Variants in ANK2 observed in about 807,000 individuals in gnomAD.
The protein encoded by ANK2 is ankyrin 2, also known as ankyrin-2.
In ANK2, 83 loss-of-function variants were observed where a neutral mutation model predicts 360.5. That is an observed-to-expected ratio of 0.23 (90% CI 0.19 to 0.28). The LOEUF (loss-of-function observed/expected upper bound fraction) is 0.28. Ranked by LOEUF, ANK2 falls within the 10% of genes least tolerant of loss-of-function variation. The pLI is 1.00. For missense variants in ANK2, 4,201 were observed against 4,795.7 expected (o/e 0.88, Z 3.66); for synonymous variants, 1,740 against 1,759.5 (o/e 0.99, Z 0.28).
intron 24 of ANK2, 99 bp downstream of exon 24, chr4:113,311,498 T>C: frequency 7.0e-7 from 1 of 1,423,290 alleles, no homozygotes. Flanking sequence ...GAGCATTTAA[T>C]AGGTACCTTA....
At chr4:112,914,250 T>C (rs2088863333) in intron 2 of ANK2, among the ~76,000 whole-genome samples, 1 of 152,158 alleles carries the variant, frequency 6.6e-6, no homozygotes, top group Admixed American at 6.5e-5. Flanking sequence ...AAAAACCCAT[T>C]TGTGTTACTG....
rs1220274956 is a variant in ANK2, at chr4:112,899,117, T to A, written c.-39-5338T>A. On this transcript the variant is annotated intron_variant, in intron 1 of 30. Transcript: ENST00000503271. ...TGAAGCCTTTCCTGTGGGTGTAGTC[T>A]CATTGTTTTTATTTAACAATGAGTG... Among the ~76,000 whole-genome samples, 4 of 152,300 alleles carry A rather than the reference T, an allele frequency of 2.6e-5. No individual in the cohort carries two copies. In the South Asian group the frequency reaches 8.3e-4, roughly 32 times the overall value.
rs1334315013 is a variant in ANK2, at chr4:112,822,255, A to AC, written c.-40+3991_-40+3992insC. ...GTCTCTACTAAAAAAAAAAAAAAAA[A>AC]AAAAAAACAAAAATTAGCCGGGCGT... On this transcript the variant is annotated intron_variant, in intron 1 of 30. Transcript: ENST00000503271. Among the ~76,000 whole-genome samples, 32 of 149,430 alleles carry AC rather than the reference A, an allele frequency of 2.1e-4. 2 individuals are homozygous for AC. The East Asian group carries it at 5.5e-3, about 26-fold the overall frequency.
chr4:113,030,929 T>C (rs141044562), intron 2 of ANK2, among the ~76,000 whole-genome samples: 1 of 151,890 alleles, frequency 6.6e-6, no homozygotes, highest in South Asian at 2.1e-4. Context: ...TATATTGAGA[T>C]GGAAGAAAAA....
At chr4:112,900,639 A>G (rs1425290655) in intron 1 of ANK2, among the ~76,000 whole-genome samples, 1 of 152,178 alleles carries the variant, frequency 6.6e-6, no homozygotes, top group Non-Finnish European at 1.5e-5. Flanking sequence ...TGCTTAAGCC[A>G]ATATTAACCC....
At chr4:113,250,297 A>G (rs1255610911) in intron 10 of ANK2, among the ~76,000 whole-genome samples, 1 of 152,220 alleles carries the variant, frequency 6.6e-6, no homozygotes, top group Non-Finnish European at 1.5e-5. Flanking sequence ...CAATACTAAT[A>G]AAAAGTAATT....
the ANK2 span, among the ~76,000 whole-genome samples, chr4:112,806,750 G>A: frequency 6.6e-6 from 1 of 152,038 alleles, no homozygotes; most frequent in African/African-American, 2.4e-5. Flanking sequence ...GGATTACTTG[G>A]GCCCAGGGAG....
intron 41 of ANK2, among the ~76,000 whole-genome samples, chr4:113,366,412 T>C (rs2154057165): frequency 6.7e-6 from 1 of 150,370 alleles, no homozygotes; most frequent in Non-Finnish European, 1.5e-5. Flanking sequence ...TTTTTTTTTT[T>C]TTAACTTTAC....
chr4:113,219,840 C>A (rs1263537656), intron 4 of ANK2, among the ~76,000 whole-genome samples: 2 of 152,112 alleles, frequency 1.3e-5, no homozygotes, highest in Non-Finnish European at 2.9e-5. Context: ...GTGGTACAAA[C>A]TATATTTTGG....
At chr4:112,771,067 GTAACAAAAGAAAGAT>G in the ANK2 span, among the ~76,000 whole-genome samples, 1 of 152,172 alleles carries the variant, frequency 6.6e-6, no homozygotes, top group Non-Finnish European at 1.5e-5. Context: ...TGGGGCCCCT[GTAACAAAAGAAAGAT>G]TAACAAAAGA....
chr4:112,769,732 C>G, the ANK2 span, among the ~76,000 whole-genome samples: 1 of 152,182 alleles, frequency 6.6e-6, no homozygotes, highest in Admixed American at 6.5e-5. Context: ...GGATTAAGTA[C>G]AGTAGATGGC....
In ANK2 at chr4:113,357,470, C is replaced by T; in HGVS notation, c.8852C>T (p.Thr2951Ile). Residue 2951 changes from threonine (T) to isoleucine (I), a missense_variant, in exon 38 of 46, where the codon ACC becomes ATC. Thr to Ile is a moderately conservative substitution (Grantham distance 89). This residue lies in a region of ANK2 where 2,642 missense variants were observed against 2,714.5 expected (regional missense o/e 0.97). Coordinates refer to ENST00000357077, the MANE Select transcript of ANK2 (RefSeq NM_001148.6). ...AAAACCCAAACAGATGCAAATCACACCACAAGTTTTCACTCTTCTGAAGTG... is the reference window on the plus strand; with the variant it reads ...AAAACCCAAACAGATGCAAATCACATCACAAGTTTTCACTCTTCTGAAGTG... ...ESKTQTDANHTTSFHSSEVYS... is the reference protein window; with the variant it reads ...ESKTQTDANHITSFHSSEVYS... 1 of 1,614,102 alleles carries T rather than the reference C, an allele frequency of 6.2e-7. No homozygotes were observed. The highest frequency in any genetic ancestry group is 1.1e-5 in the South Asian group (1 of 91,090).
intron 45 of ANK2, among the ~76,000 whole-genome samples, chr4:113,378,371 C>G (rs1424399944): frequency 6.6e-6 from 1 of 152,176 alleles, no homozygotes; most frequent in Non-Finnish European, 1.5e-5. Context: ...CCTCTTGATA[C>G]TTCAAACATA....
At chr4:113,370,088 T>A (rs915710554) in intron 43 of ANK2, among the ~76,000 whole-genome samples, 1 of 152,138 alleles carries the variant, frequency 6.6e-6, no homozygotes, top group Admixed American at 6.5e-5. Context: ...AAACAATATA[T>A]CTGGAGGAGC....
the ANK2 span, among the ~76,000 whole-genome samples, chr4:112,711,450 G>A: frequency 6.6e-6 from 1 of 152,112 alleles, no homozygotes; most frequent in African/African-American, 2.4e-5. Context: ...TTGAGCCGGG[G>A]AGTTCAAGAT....
intron 2 of ANK2, among the ~76,000 whole-genome samples, chr4:113,176,102 CT>C (rs766160605): frequency 6.6e-6 from 1 of 152,186 alleles, no homozygotes; most frequent in Non-Finnish European, 1.5e-5. Flanking sequence ...CAGTGTTCTT[CT>C]TTAACACAAC....
At chr4:112,877,111 G>A (rs1418558753) in intron 1 of ANK2, among the ~76,000 whole-genome samples, 16 of 152,034 alleles carry the variant, frequency 1.1e-4, no homozygotes, top group Admixed American at 1.0e-3. Flanking sequence ...GGGATTAGGT[G>A]TTCACCTGGG....
At chr4:113,012,654 GA>G (rs147543960) in intron 2 of ANK2, among the ~76,000 whole-genome samples, 1,858 of 152,172 alleles carry the variant, frequency 0.012, 35 homozygotes, top group African/African-American at 0.042. Flanking sequence ...TAATTTAGCA[GA>G]AAAAATATGC....
chr4:113,108,263 A>C (rs2093887926), intron 1 of ANK2, among the ~76,000 whole-genome samples: 1 of 152,142 alleles, frequency 6.6e-6, no homozygotes, highest in Admixed American at 6.5e-5. Flanking sequence ...ATATTTTCGA[A>C]GCTTCCTCCC....
Sources: allele counts gnomAD v4.1 joint callset (sites outside exome capture counted in the v4.1 genomes callset), GRCh38; gene constraint gnomAD v4.1.1; regional missense constraint gnomAD v4.1.1; transcripts MANE v1.5; gene names NCBI Gene and HGNC (gene_info 2026-07-23, HGNC 2026-07-21).